HMG20A: variants seen among roughly 807,000 people sequenced by gnomAD.
HMG20A encodes the protein high mobility group protein 20A.
HMG20A carries 17 observed loss-of-function variants against 43.9 expected under a neutral mutation model. The ratio of observed to expected loss-of-function variants is 0.39; its 90% CI spans 0.27 to 0.58. The LOEUF (loss-of-function observed/expected upper bound fraction) is 0.58. HMG20A is among the 20% of genes least tolerant of loss of function. HMG20A has a pLI of 0.59. For synonymous variants in HMG20A, 132 were observed against 147.5 expected (o/e 0.89, Z 0.76); for missense variants, 341 against 438.2 (o/e 0.78, Z 1.98).
intron 3 of HMG20A, 86 bp from the exon 4 acceptor site, chr15:77,467,009 T>G: frequency 9.2e-7 from 1 of 1,088,310 alleles, no homozygotes; most frequent in Non-Finnish European, 1.3e-6. Context: ...GTTTTGTTTG[T>G]TGTTGTTTGT....
At chr15:77,515,697 C>A in the HMG20A span, among the ~76,000 whole-genome samples, 1 of 152,188 alleles carries the variant, frequency 6.6e-6, no homozygotes, top group African/African-American at 2.4e-5. Flanking sequence ...TGAATTCACT[C>A]ATGCTGATTT....
chr15:77,508,809 T>C, the HMG20A span, among the ~76,000 whole-genome samples: 58 of 152,374 alleles, frequency 3.8e-4, no homozygotes, highest in African/African-American at 1.3e-3. Context: ...GCTGTAAGAC[T>C]TCCTGACTCT....
In HMG20A at chr15:77,460,186, G is replaced by C. The variant is rs137943175; in HGVS notation, c.89+1690G>C. On this transcript the variant is annotated intron_variant, in intron 2 of 9. Transcript: ENST00000336216. ...GACTTTCACAAGAGTGTTTTTGGTG[G>C]AATAGTGGGGGTAAAAACCTCATTG... 4.8e-3 allele frequency among the ~76,000 whole-genome samples: 732 copies of C among 152,308 alleles called. 4 individuals are homozygous for C. The highest frequency in any genetic ancestry group is 0.016 in the African/African-American group (680 of 41,564).
chr15:77,494,340 A>G, the HMG20A span, among the ~76,000 whole-genome samples: 2 of 152,118 alleles, frequency 1.3e-5, no homozygotes, highest in African/African-American at 4.8e-5. Flanking sequence ...TATGTTGTCC[A>G]GTCTGGTCTC....
At chr15:77,473,705 T>G (rs1595930496) in intron 6 of HMG20A, among the ~76,000 whole-genome samples, 1 of 152,258 alleles carries the variant, frequency 6.6e-6, no homozygotes, top group African/African-American at 2.4e-5. Flanking sequence ...TAGTGTGATA[T>G]GAATTTCTGT....
rs760916021 is a variant in HMG20A at position 77,467,235 on chromosome 15, A to G, written c.378A>G (p.Pro126=). 7.4e-6 allele frequency: 12 copies of G among 1,614,198 alleles called. No individual in the cohort carries two copies. In the East Asian group the frequency reaches 2.7e-4, roughly 36 times the overall value. The stretch of plus-strand genomic sequence containing the variant: ...GAGAACAACTTCGAGCAAAGAGACC[A>G]GAAGTCCCATTTCCAGAAATCACAA... The part of the protein sequence containing the change: ...ERREQLRAKR[P]EVPFPEITRM... The change falls in exon 4 of 10, where the codon CCA becomes CCG. Residue 126 remains proline (P), a synonymous_variant. Transcript: ENST00000336216.
chr15:77,508,011 A>G, the HMG20A span, among the ~76,000 whole-genome samples: 1 of 152,132 alleles, frequency 6.6e-6, no homozygotes, highest in Non-Finnish European at 1.5e-5. Flanking sequence ...TCCCTAAAGA[A>G]GCAAGTAGCC....
chr15:77,509,555 CGTGTGTGTGTGTGTGTGTGT>C, the HMG20A span, among the ~76,000 whole-genome samples: 1,661 of 115,468 alleles, frequency 0.014, 35 homozygotes, highest in African/African-American at 0.031. Context: ...TGTGCCCAGC[CGTGTGTGTGTGTGTGTGTGT>C]GTGTGTGTGT....
chr15:77,462,482 T>A (rs1198833208), intron 2 of HMG20A, among the ~76,000 whole-genome samples: 1 of 152,200 alleles, frequency 6.6e-6, no homozygotes, highest in East Asian at 1.9e-4. Context: ...CGAGTCTATC[T>A]TTATGCCCTT....
chr15:77,423,710 T>G (rs1163756923), intron 1 of HMG20A, among the ~76,000 whole-genome samples: 1 of 152,136 alleles, frequency 6.6e-6, no homozygotes, highest in Non-Finnish European at 1.5e-5. Flanking sequence ...AATACAGAAG[T>G]GTCTTTTCAT....
Position 77,426,397 on chromosome 15 carries a change from T to C in HMG20A, c.-5+5393T>C, listed in dbSNP as rs74373490. On this transcript the variant is annotated intron_variant, in intron 1 of 9. Transcript: ENST00000336216. ...CATGTTTTATATGTTACATGTACTA[T>C]GTACTGTATTCTTACAATAAGCTAG... 9.2e-5 allele frequency among the ~76,000 whole-genome samples: 14 copies of C among 152,314 alleles called. No individual in the cohort carries two copies. In the East Asian group the frequency reaches 1.3e-3, roughly 15 times the overall value.
the HMG20A span, among the ~76,000 whole-genome samples, chr15:77,500,463 G>A: frequency 2.6e-5 from 4 of 152,118 alleles, no homozygotes; most frequent in Admixed American, 1.3e-4. Flanking sequence ...AGTGGGTGGC[G>A]TATGTCTCCA....
intron 9 of HMG20A, among the ~76,000 whole-genome samples, chr15:77,479,836 A>G (rs937686265): frequency 1.3e-5 from 2 of 152,214 alleles, no homozygotes; most frequent in Admixed American, 1.3e-4. Context: ...GAAAATACTA[A>G]TGATAATTTA....
the HMG20A span, among the ~76,000 whole-genome samples, chr15:77,517,685 A>G: frequency 6.6e-6 from 1 of 151,814 alleles, no homozygotes; most frequent in East Asian, 1.9e-4. Context: ...CGGGGAGATC[A>G]CCAGAGCAGC....
At chr15:77,474,724 C>T (rs1469217698) in intron 6 of HMG20A, among the ~76,000 whole-genome samples, 2 of 152,146 alleles carry the variant, frequency 1.3e-5, no homozygotes, top group Non-Finnish European at 1.5e-5. Context: ...GAAATGCTGA[C>T]CTGAAAGCCA....
chr15:77,427,073 G>A lies in HMG20A; in HGVS notation c.-5+6069G>A, dbSNP rs145680586. Among the ~76,000 whole-genome samples the A allele has an allele frequency of 5.3e-5, 8 of 152,274 alleles. No homozygotes were observed. In the East Asian group the frequency reaches 1.4e-3, roughly 26 times the overall value. ...TTTGGTTTCTGTGTTACGGTCAGCT[G>A]AGTTTAAAGAGTGGGAGTATTCTAA... is the stretch of plus-strand genomic sequence containing the variant. On this transcript the variant is annotated intron_variant, in intron 1 of 9. Transcript: ENST00000336216.
the HMG20A span, among the ~76,000 whole-genome samples, chr15:77,496,562 G>A: frequency 4.6e-5 from 7 of 152,124 alleles, no homozygotes; most frequent in African/African-American, 1.4e-4. Flanking sequence ...TGTTAATGTG[G>A]GACATTTGCT....
At chr15:77,506,879 G>A in the HMG20A span, among the ~76,000 whole-genome samples, 318 of 152,360 alleles carry the variant, frequency 2.1e-3, 4 homozygotes, top group South Asian at 0.016. Context: ...GTCGGCCAGC[G>A]CCTCCACACC....
chr15:77,424,833 T>C (rs1187840741), intron 1 of HMG20A, among the ~76,000 whole-genome samples: 1 of 152,224 alleles, frequency 6.6e-6, no homozygotes, highest in Non-Finnish European at 1.5e-5. Flanking sequence ...TAATTTGAAT[T>C]GTTACAGGCA....
Sources: gnomAD v4.1 joint callset for allele counts (sites outside exome capture counted in the v4.1 genomes callset) on GRCh38, gnomAD v4.1.1 for gene constraint, MANE v1.5 for transcripts, NCBI Gene and HGNC (gene_info 2026-07-23, HGNC 2026-07-21) for gene names.